TINAG: variants seen among roughly 807,000 people sequenced by gnomAD.
TINAG encodes the protein tubulointerstitial nephritis antigen.
TINAG carries 83 observed loss-of-function variants against 72.7 expected under a neutral mutation model. That is an observed-to-expected ratio of 1.14 (90% CI 0.96 to 1.37). The LOEUF is 1.37. Among genes scored for constraint, TINAG ranks in the 40% most tolerant of loss-of-function variants. The probability of loss-of-function intolerance (pLI) is 0.00; values close to 1 mark genes in which losing one functional copy is unlikely to be tolerated. For synonymous variants in TINAG, 234 were observed against 189.9 expected, an observed-to-expected ratio of 1.23 and a Z score of -1.91; for missense variants, 685 against 576.6, an observed-to-expected ratio of 1.19 and a Z score of -1.93.
In TINAG at chr6:54,334,670, T is replaced by G. The variant is rs573821442; in HGVS notation, c.624+7754T>G. On this transcript the variant is annotated intron_variant, in intron 4 of 10. Transcript: ENST00000259782. ...GCCACCACAGAATTATTTATATTCATAGACAGGCCATCTAAAAAATTATTT... is the reference window on the plus strand; with the variant it reads ...GCCACCACAGAATTATTTATATTCAGAGACAGGCCATCTAAAAAATTATTT... 9.8e-5 allele frequency among the ~76,000 whole-genome samples: 15 copies of G among 152,336 alleles called. No homozygotes were observed. In the South Asian group the frequency reaches 3.1e-3, roughly 32 times the overall value.
chr6:54,354,481 T>A (rs1276655126), intron 8 of TINAG, 32 bp from the exon 9 acceptor site: 1 of 1,575,172 alleles, frequency 6.3e-7, no homozygotes, highest in South Asian at 1.2e-5. Context: ...ATTTTAATAC[T>A]GTGCCATTTG....
chr6:54,308,863 G>T lies in TINAG; in HGVS notation c.313G>T (p.Glu105Ter). The T allele has an allele frequency of 1.9e-6, 3 of 1,613,282 alleles. No individual in the cohort carries two copies. Among genetic ancestry groups the T allele is most frequent in the South Asian group, 1.1e-5 (1 of 91,034 alleles). ...TGACTACAAGTCCTTTTGCCGTGAA[G>T]AGAAAGAATGGCCTCCTCACACACA... ...CPDYKSFCRE[E>*]KEWPPHTQPW... The change falls in exon 1 of 11, where the codon GAG becomes TAG. Residue 105 changes from glutamate to a stop codon, truncating the protein, a stop_gained. Transcript: ENST00000259782. LOFTEE classifies it high-confidence loss of function.
Position 54,390,026 on chromosome 6 carries a change from A to C in TINAG, c.*101A>C. The stretch of plus-strand genomic sequence containing the variant: ...GTGACAGTGGAATCTTTGTCTCTTC[A>C]CCGTGTTAACATAATCTATCTATTT... On this transcript the variant is annotated 3_prime_UTR_variant, in exon 11 of 11. Coordinates refer to ENST00000259782, the MANE Select transcript of TINAG (RefSeq NM_014464.4). 1 of 1,463,502 alleles carries C rather than the reference A, an allele frequency of 6.8e-7. No homozygotes were observed. The highest frequency in any genetic ancestry group is 9.3e-7 in the Non-Finnish European group (1 of 1,075,540). The allele number at this position is 1,463,502 out of a possible 1,614,324, so 90.7% of individuals were successfully genotyped here.
chr6:54,316,794 C>T (rs1266481367), intron 1 of TINAG, among the ~76,000 whole-genome samples: 1 of 152,052 alleles, frequency 6.6e-6, no homozygotes, highest in African/African-American at 2.4e-5. Flanking sequence ...AAGTTTAGAC[C>T]AGCACAGATA....
chr6:54,336,911 C>T (rs993415244), intron 4 of TINAG, among the ~76,000 whole-genome samples: 6 of 151,684 alleles, frequency 4.0e-5, no homozygotes, highest in Non-Finnish European at 7.4e-5. Context: ...CATCCTTTCT[C>T]GGTCATCCAA....
At chr6:54,375,625 C>T (rs1335744882) in intron 9 of TINAG, among the ~76,000 whole-genome samples, 1 of 152,094 alleles carries the variant, frequency 6.6e-6, no homozygotes, top group African/African-American at 2.4e-5. Flanking sequence ...CATTTATTCC[C>T]TCTGCCAAGG....
At chr6:54,373,518 A>G (rs1010799008) in intron 9 of TINAG, among the ~76,000 whole-genome samples, 8 of 152,080 alleles carry the variant, frequency 5.3e-5, no homozygotes, top group East Asian at 1.9e-4. Flanking sequence ...TAATTTAGCC[A>G]CTTAAGCATA....
chr6:54,314,489 G>A (rs547683374), intron 1 of TINAG, among the ~76,000 whole-genome samples: 2 of 152,182 alleles, frequency 1.3e-5, no homozygotes, highest in South Asian at 4.2e-4. Context: ...ATCAAAGAGA[G>A]GTTTTTCTTA....
At position 54,343,221 on chromosome 6, in the gene TINAG, T is replaced by A; in HGVS notation, c.625-5T>A. 3 of 1,552,258 alleles carry A rather than the reference T, an allele frequency of 1.9e-6. No individual in the cohort carries two copies. The highest frequency in any genetic ancestry group is 2.6e-6 in the Non-Finnish European group (3 of 1,146,858). ...CTCATATATGTACCTCTTCTTCCTC[T>A]TTAGGCTTCTTTACCTGCAACAACT... On this transcript the variant is annotated splice_region_variant and splice_polypyrimidine_tract_variant and intron_variant, in intron 4 of 10. Transcript: ENST00000259782.
At chr6:54,377,486 T>C (rs1763815855) in intron 9 of TINAG, among the ~76,000 whole-genome samples, 1 of 151,964 alleles carries the variant, frequency 6.6e-6, no homozygotes, top group Admixed American at 6.6e-5. Flanking sequence ...CACTCCAGCC[T>C]GGGCAACAGG....
In TINAG at chr6:54,380,512, G is replaced by A. The variant is rs1046708742; in HGVS notation, c.1251-14G>A. 2.5e-6 allele frequency: 4 copies of A among 1,604,402 alleles called. No homozygotes were observed. The highest frequency in any genetic ancestry group is 2.3e-5 in the East Asian group (1 of 44,378). On this transcript the variant is annotated splice_polypyrimidine_tract_variant and intron_variant, in intron 9 of 10. Coordinates refer to ENST00000259782, the MANE Select transcript of TINAG (RefSeq NM_014464.4). ...TTTAACCATACCAATCTTTATTATT[G>A]TTATTAATTGTAGATGGGGCACACT...
chr6:54,314,259 G>A (rs956354075), intron 1 of TINAG, among the ~76,000 whole-genome samples: 9 of 152,130 alleles, frequency 5.9e-5, no homozygotes, highest in African/African-American at 2.2e-4. Flanking sequence ...TTAGCCACGA[G>A]GCTCCATGCA....
chr6:54,340,756 G>A (rs111653691), intron 4 of TINAG, among the ~76,000 whole-genome samples: 4 of 152,144 alleles, frequency 2.6e-5, no homozygotes, highest in African/African-American at 9.6e-5. Context: ...TTTAATAAAA[G>A]TGTCATTTTG....
At chr6:54,345,433 TAAAGTGGCTTATCTGAAGCCA>T (rs1785097821) in intron 5 of TINAG, among the ~76,000 whole-genome samples, 2 of 152,064 alleles carry the variant, frequency 1.3e-5, no homozygotes, top group Non-Finnish European at 2.9e-5. Context: ...CCCAAATAGG[TAAAGTGGCTTATCTGAAGCCA>T]AAAGATGAGA....
intron 4 of TINAG, among the ~76,000 whole-genome samples, chr6:54,332,385 T>C (rs538762389): frequency 3.3e-5 from 5 of 152,282 alleles, no homozygotes; most frequent in African/African-American, 7.2e-5. Context: ...CCCTATTTAA[T>C]AAATGGTGCT....
intron 1 of TINAG, among the ~76,000 whole-genome samples, chr6:54,317,095 C>G (rs1237982568): frequency 6.6e-6 from 1 of 152,012 alleles, no homozygotes; most frequent in Non-Finnish European, 1.5e-5. Flanking sequence ...GACAGGAATT[C>G]TTTCATATCT....
At chr6:54,370,513 T>C (rs1763570993) in intron 9 of TINAG, among the ~76,000 whole-genome samples, 1 of 152,116 alleles carries the variant, frequency 6.6e-6, no homozygotes, top group South Asian at 2.1e-4. Flanking sequence ...AATTCAAACT[T>C]TCAACAAATT....
intron 4 of TINAG, among the ~76,000 whole-genome samples, chr6:54,330,137 G>C (rs1784703031): frequency 1.3e-5 from 2 of 152,116 alleles, no homozygotes; most frequent in Admixed American, 1.3e-4. Flanking sequence ...GACATCTACA[G>C]AACTCTCCAC....
At chr6:54,351,774 ACAGTTTTCTTATCTT>A (rs1341746201) in intron 8 of TINAG, among the ~76,000 whole-genome samples, 3 of 151,924 alleles carry the variant, frequency 2.0e-5, no homozygotes, top group African/African-American at 7.2e-5. Flanking sequence ...AATCATACAT[ACAGTTTTCTTATCTT>A]CAGTTTAAAT....
Sources: gnomAD v4.1 joint callset for allele counts (sites outside exome capture counted in the v4.1 genomes callset) on GRCh38, gnomAD v4.1.1 for gene constraint, MANE v1.5 for transcripts, NCBI Gene and HGNC (gene_info 2026-07-23, HGNC 2026-07-21) for gene names.